Variants in MDGA2 observed in about 807,000 individuals in gnomAD.
MDGA2 encodes the protein MAM domain containing glycosylphosphatidylinositol anchor 2.
MDGA2 carries 40 observed loss-of-function variants against 117.8 expected under a neutral mutation model. The observed-to-expected ratio is 0.34, with a 90% CI of 0.26 to 0.44. The LOEUF is 0.44. Ranked by LOEUF, MDGA2 falls within the 20% of genes least tolerant of loss-of-function variation. The probability of loss-of-function intolerance (pLI) is 1.00; values close to 1 mark genes in which losing one functional copy is unlikely to be tolerated. For synonymous variants in MDGA2, 452 were observed against 439.0 expected (o/e 1.03, Z -0.37); for missense variants, 1,123 against 1,250.6 (o/e 0.90, Z 1.54).
chr14:47,597,881 CACAAAA>C (rs1252019939), intron 1 of MDGA2, among the ~76,000 whole-genome samples: 1 of 145,776 alleles, frequency 6.9e-6, no homozygotes, highest in Non-Finnish European at 1.5e-5. Flanking sequence ...CACACACACA[CACAAAA>C]CACAGAGTCT....
chr14:47,433,530 T>C (rs1034781227), intron 1 of MDGA2, among the ~76,000 whole-genome samples: 1 of 152,132 alleles, frequency 6.6e-6, no homozygotes, highest in African/African-American at 2.4e-5. Context: ...TAGCTTGATA[T>C]CTTAATGAAG....
intron 1 of MDGA2, among the ~76,000 whole-genome samples, chr14:47,534,319 G>C (rs539749526): frequency 1.3e-5 from 2 of 152,320 alleles, no homozygotes; most frequent in Admixed American, 1.3e-4. Context: ...GCTGGCTTTA[G>C]ATTCAATAGC....
downstream of MDGA2, among the ~76,000 whole-genome samples, chr14:46,839,919 T>C (rs1247426856): frequency 2.0e-5 from 3 of 152,010 alleles, no homozygotes; most frequent in Admixed American, 1.3e-4. Flanking sequence ...GCTTTCTGCA[T>C]GTATTACAAT....
intron 1 of MDGA2, among the ~76,000 whole-genome samples, chr14:47,509,781 C>T (rs1894600262): frequency 6.6e-6 from 1 of 152,220 alleles, no homozygotes; most frequent in Non-Finnish European, 1.5e-5. Flanking sequence ...TATCTTATGA[C>T]TGCCTCCAAT....
chr14:47,106,057 CT>C (rs1182130905), intron 5 of MDGA2, among the ~76,000 whole-genome samples: 1 of 152,060 alleles, frequency 6.6e-6, no homozygotes, highest in Non-Finnish European at 1.5e-5. Flanking sequence ...GTTAATGCTC[CT>C]TTTTCTTTAT....
rs1293880749 is a variant in MDGA2 at position 47,101,206 on chromosome 14, G to A, written c.926-4083C>T. On this transcript the variant is annotated intron_variant, in intron 5 of 16. Coordinates refer to ENST00000399232, the MANE Select transcript of MDGA2 (RefSeq NM_001113498.3). ...AAAATAAGAGAAGAGAGAAAGAAAA[G>A]GAAAGAAAGGAAGGGAAAGGGGAAC... 2.0e-5 allele frequency among the ~76,000 whole-genome samples: 3 copies of A among 151,832 alleles called. No individual in the cohort carries two copies. The East Asian group carries it at 5.8e-4, about 29-fold the overall frequency.
intron 12 of MDGA2, among the ~76,000 whole-genome samples, chr14:46,874,884 T>C (rs954991500): frequency 6.6e-6 from 1 of 151,436 alleles, no homozygotes; most frequent in Non-Finnish European, 1.5e-5. Context: ...AGAAAGACTT[T>C]TTCAACTATC....
chr14:47,419,922 C>A (rs1433130470), intron 1 of MDGA2, among the ~76,000 whole-genome samples: 1 of 151,788 alleles, frequency 6.6e-6, no homozygotes, highest in Non-Finnish European at 1.5e-5. Flanking sequence ...TAACCAAATA[C>A]AAACAAGAAT....
chr14:47,653,890 A>G (rs1897692092), intron 1 of MDGA2, among the ~76,000 whole-genome samples: 1 of 152,202 alleles, frequency 6.6e-6, no homozygotes, highest in Admixed American at 6.5e-5. Flanking sequence ...GGGAAGAGCA[A>G]GGAAATGGAT....
chr14:47,227,548 T>G (rs1384878900), intron 2 of MDGA2, among the ~76,000 whole-genome samples: 2 of 152,092 alleles, frequency 1.3e-5, no homozygotes, highest in Non-Finnish European at 2.9e-5. Flanking sequence ...GAATCAGTCT[T>G]AAAATATAAT....
intron 10 of MDGA2, among the ~76,000 whole-genome samples, chr14:46,888,529 A>T (rs746767175): frequency 2.5e-4 from 38 of 151,918 alleles, no homozygotes; most frequent in Admixed American, 3.3e-4. Context: ...TTTATTAAAA[A>T]CTATAATTTG....
At chr14:47,272,513 G>C (rs757326638) in intron 2 of MDGA2, among the ~76,000 whole-genome samples, 7 of 152,100 alleles carry the variant, frequency 4.6e-5, no homozygotes, top group Non-Finnish European at 1.0e-4. Context: ...TGCCCTTCTA[G>C]GATGGACCTG....
chr14:47,248,151 G>A (rs1218771100), intron 2 of MDGA2, among the ~76,000 whole-genome samples: 1 of 150,932 alleles, frequency 6.6e-6, no homozygotes. Flanking sequence ...TAATCCTTTG[G>A]GTATATACCC....
intron 1 of MDGA2, among the ~76,000 whole-genome samples, chr14:47,466,626 T>C (rs1893610271): frequency 6.6e-6 from 1 of 152,140 alleles, no homozygotes; most frequent in African/African-American, 2.4e-5. Flanking sequence ...TCAACTCACA[T>C]TGTAATGAAT....
At chr14:47,119,102 G>C (rs1881491575) in intron 5 of MDGA2, among the ~76,000 whole-genome samples, 1 of 143,058 alleles carries the variant, frequency 7.0e-6, no homozygotes, top group Non-Finnish European at 1.5e-5. Flanking sequence ...CCAGGCTGGA[G>C]TGCAGTGGCG....
chr14:46,926,610 T>C (rs1019931132), intron 9 of MDGA2, among the ~76,000 whole-genome samples: 3 of 152,070 alleles, frequency 2.0e-5, no homozygotes, highest in East Asian at 3.9e-4. Context: ...CATTCCTCCA[T>C]AGGGCAAAAC....
chr14:46,846,845 A>C (rs1449678071), intron 15 of MDGA2, among the ~76,000 whole-genome samples: 1 of 152,124 alleles, frequency 6.6e-6, no homozygotes, highest in Non-Finnish European at 1.5e-5. Flanking sequence ...TAGTTTAATA[A>C]AGAGCTGTTT....
At chr14:46,920,261 T>G in intron 9 of MDGA2, 101 bp from the exon 10 acceptor site, 1 of 1,121,866 alleles carries the variant, frequency 8.9e-7, no homozygotes, top group Non-Finnish European at 1.2e-6. Flanking sequence ...TATTTTTCAT[T>G]AGTAATTATA....
At chr14:47,002,953 A>G (rs1000429776) in intron 8 of MDGA2, among the ~76,000 whole-genome samples, 2 of 152,090 alleles carry the variant, frequency 1.3e-5, no homozygotes, top group Non-Finnish European at 2.9e-5. Context: ...GAACATGTCC[A>G]TCAACCCCAA....
Sources: gnomAD v4.1 joint callset for allele counts (sites outside exome capture counted in the v4.1 genomes callset) on GRCh38, gnomAD v4.1.1 for gene constraint, MANE v1.5 for transcripts, NCBI Gene and HGNC (gene_info 2026-07-23, HGNC 2026-07-21) for gene names.